NME8: variants seen among roughly 807,000 people sequenced by gnomAD.
NME8 encodes the protein NME/NM23 family member 8.
Under a neutral mutation model 82.3 loss-of-function variants are expected in NME8, and 72 were observed. The ratio of observed to expected loss-of-function variants is 0.87; its 90% confidence interval spans 0.72 to 1.06. NME8 has a LOEUF of 1.06. NME8 is among the 50% of genes least tolerant of loss of function. The pLI is 0.00. For missense variants in NME8, 712 were observed against 685.4 expected (o/e 1.04, Z -0.43); for synonymous variants, 267 against 228.5 (o/e 1.17, Z -1.52).
chr7:37,878,394 G>C (rs2598017), intron 12 of NME8, among the ~76,000 whole-genome samples: 45,620 of 152,012 alleles, frequency 0.3, 7,585 homozygotes, highest in East Asian at 0.4. Context: ...ATTCAGGAGG[G>C]ATATGTGTTG....
At chr7:37,882,607 GAGAGAGAGAAAGAAAGAA>G (rs1562838324) in intron 12 of NME8, among the ~76,000 whole-genome samples, 33 of 77,976 alleles carry the variant, frequency 4.2e-4, no homozygotes, top group Middle Eastern at 6.4e-3. Context: ...AAGAGAGAGA[GAGAGAGAGAAAGAAAGAA>G]AGAAAGAAAG....
intron 17 of NME8, among the ~76,000 whole-genome samples, chr7:37,897,396 A>G (rs1020861096): frequency 2.0e-5 from 3 of 152,146 alleles, no homozygotes; most frequent in Non-Finnish European, 4.4e-5. Flanking sequence ...TGGTTCACAC[A>G]GCTTGGTCTT....
In NME8 at chr7:37,852,365, C is replaced by T. The variant is rs77658726; in HGVS notation, c.198+1630C>T. On this transcript the variant is annotated intron_variant, in intron 5 of 17. Transcript: ENST00000199447. ...TGGCACATCATTATTTACCAAAAGC[C>T]GTAGTTTACATTAAAGTTCATTCTC... Among the ~76,000 whole-genome samples the T allele has an allele frequency of 4.6e-3, 694 of 151,834 alleles. 20 individuals carry two copies. In the East Asian group the frequency reaches 0.077, roughly 17 times the overall value.
At chr7:37,852,109 CTT>C (rs36112844) in intron 5 of NME8, among the ~76,000 whole-genome samples, 1 of 146,062 alleles carries the variant, frequency 6.8e-6, no homozygotes, top group Admixed American at 6.9e-5. Context: ...AAGGAATTGA[CTT>C]TTTTTTTTTG....
At chr7:37,854,327 T>C (rs969763258) in intron 5 of NME8, among the ~76,000 whole-genome samples, 8 of 152,012 alleles carry the variant, frequency 5.3e-5, no homozygotes, top group African/African-American at 1.9e-4. Context: ...CATCTTAACA[T>C]TGAGTAGGTT....
intron 11 of NME8, among the ~76,000 whole-genome samples, chr7:37,868,753 G>C (rs193213911): frequency 7.2e-5 from 11 of 151,984 alleles, no homozygotes; most frequent in Non-Finnish European, 1.3e-4. Flanking sequence ...CCACCTTCCC[G>C]GTGCCCTAAA....
At position 37,857,288 on chromosome 7, in the gene NME8, C is replaced by A. The variant is rs1394408948; in HGVS notation, c.213C>A (p.Asn71Lys). ...ILHFAVAEAD[N>K]IVTLQPFRDK... is the part of the protein sequence containing the mutation. ...ACTTTTTCCAGGCAGAAGCTGACAA[C>A]ATTGTGACTTTGCAGCCATTTAGAG... is the stretch of plus-strand genomic sequence containing the variant. The change falls in exon 6 of 18, where the codon AAC (asparagine) becomes AAA (lysine). Residue 71 changes from asparagine to lysine, a missense_variant. Coordinates refer to ENST00000199447, the MANE Select transcript of NME8 (RefSeq NM_016616.5). 1.2e-6 allele frequency: 2 copies of A among 1,610,820 alleles called. No homozygotes were observed. The highest frequency in any genetic ancestry group is 2.7e-5 in the African/African-American group (2 of 74,830).
intron 14 of NME8, 144 bp from the exon 15 acceptor site, chr7:37,888,133 C>T (rs1361237636): frequency 4.2e-5 from 32 of 758,380 alleles, no homozygotes; most frequent in South Asian, 1.7e-4. Flanking sequence ...TGCCCTAAGC[C>T]GCCATGTACT....
chr7:37,857,405 T>C, intron 6 of NME8, 60 bp downstream of exon 6: 2 of 1,086,526 alleles, frequency 1.8e-6, no homozygotes, highest in Admixed American at 1.7e-5. Flanking sequence ...TAAGAACAAG[T>C]AACATTGTAA....
At chr7:37,861,329 G>A (rs1293412650) in intron 6 of NME8, among the ~76,000 whole-genome samples, 1 of 152,098 alleles carries the variant, frequency 6.6e-6, no homozygotes, top group Non-Finnish European at 1.5e-5. Flanking sequence ...CCTTATGTCT[G>A]TTATTCCTTT....
chr7:37,853,791 T>C (rs1784470788), intron 5 of NME8, among the ~76,000 whole-genome samples: 1 of 152,118 alleles, frequency 6.6e-6, no homozygotes, highest in African/African-American at 2.4e-5. Context: ...CCTATTAAAA[T>C]TGCCCTGAGC....
At chr7:37,877,382 C>T (rs747434650) in intron 12 of NME8, among the ~76,000 whole-genome samples, 1 of 152,062 alleles carries the variant, frequency 6.6e-6, no homozygotes, top group Non-Finnish European at 1.5e-5. Context: ...AAATTCAGAA[C>T]ATTAAAATGA....
intron 12 of NME8, among the ~76,000 whole-genome samples, chr7:37,880,915 A>C (rs910027892): frequency 2.5e-4 from 38 of 152,098 alleles, no homozygotes; most frequent in African/African-American, 9.2e-4. Context: ...TTTTGCTTTA[A>C]ATTTCAAATT....
At chr7:37,896,248 T>A (rs1785227593) in intron 16 of NME8, among the ~76,000 whole-genome samples, 1 of 152,196 alleles carries the variant, frequency 6.6e-6, no homozygotes, top group Admixed American at 6.5e-5. Context: ...AAACTAACTT[T>A]CATACTTATT....
At chr7:37,866,265 A>G (rs930499627) in intron 10 of NME8, among the ~76,000 whole-genome samples, 4 of 152,144 alleles carry the variant, frequency 2.6e-5, no homozygotes, top group Admixed American at 6.5e-5. Context: ...CACTAGCCAC[A>G]TTTTAAGTGT....
intron 5 of NME8, 86 bp downstream of exon 5, chr7:37,850,821 T>C (rs895773947): frequency 4.6e-6 from 4 of 874,664 alleles, no homozygotes; most frequent in Non-Finnish European, 7.7e-6. Flanking sequence ...ATTGTCTTAA[T>C]TTAAACAACC....
chr7:37,878,399 G>A (rs938017485), intron 12 of NME8, among the ~76,000 whole-genome samples: 2 of 152,124 alleles, frequency 1.3e-5, no homozygotes, highest in African/African-American at 4.8e-5. Flanking sequence ...GGAGGGATAT[G>A]TGTTGATTTC....
chr7:37,896,688 C>G (rs1309568526), intron 16 of NME8, 182 bp from the exon 17 acceptor site: 3 of 619,430 alleles, frequency 4.8e-6, no homozygotes, highest in Non-Finnish European at 8.6e-6. Flanking sequence ...TAGCACCCAC[C>G]TAGCATATAA....
intron 5 of NME8, 54 bp from the exon 6 acceptor site, chr7:37,857,220 A>C (rs75446846): frequency 7.5e-7 from 1 of 1,330,218 alleles, no homozygotes; most frequent in East Asian, 2.5e-5. Context: ...TAGTGTATCA[A>C]ATTACTTGAA....
Sources: allele counts gnomAD v4.1 joint callset (sites outside exome capture counted in the v4.1 genomes callset), GRCh38; gene constraint gnomAD v4.1.1; transcripts MANE v1.5; gene names NCBI Gene and HGNC (gene_info 2026-07-23, HGNC 2026-07-21).